The following MCTP2 variants were observed in gnomAD, a reference collection of about 807,000 sequenced individuals.
MCTP2 encodes multiple C2 and transmembrane domain containing 2, also known as multiple C2 and transmembrane domain-containing protein 2.
In MCTP2, 132 loss-of-function variants were observed where a neutral mutation model predicts 111.6. The ratio of observed to expected loss-of-function variants is 1.18; its 90% CI spans 1.03 to 1.37. MCTP2 has a LOEUF of 1.37. Ranked by LOEUF, MCTP2 falls within the 40% of genes most tolerant of loss-of-function variation. The pLI, the probability that MCTP2 is intolerant of heterozygous loss-of-function variation, is 0.00. For missense variants in MCTP2, 1,183 were observed against 1,067.9 expected (o/e 1.11, Z -1.50); for synonymous variants, 395 against 387.7 (o/e 1.02, Z -0.22).
intron 4 of MCTP2, among the ~76,000 whole-genome samples, chr15:94,328,008 G>GT (rs2076956971): frequency 6.6e-6 from 1 of 152,094 alleles, no homozygotes; most frequent in African/African-American, 2.4e-5. Flanking sequence ...CCTGCTGCGT[G>GT]TAAGAAAATT....
At chr15:94,390,138 A>G (rs1280053809) in intron 14 of MCTP2, among the ~76,000 whole-genome samples, 9 of 84,288 alleles carry the variant, frequency 1.1e-4, no homozygotes, top group African/African-American at 2.4e-4. Context: ...ATATACTTAG[A>G]TGTTTATCAT....
intron 1 of MCTP2, among the ~76,000 whole-genome samples, chr15:94,297,799 C>G (rs1380501594): frequency 6.6e-6 from 1 of 152,100 alleles, no homozygotes; most frequent in Non-Finnish European, 1.5e-5. Context: ...TGTTGACCTC[C>G]GGTTTAGAGA....
intron 2 of MCTP2, among the ~76,000 whole-genome samples, chr15:94,310,092 A>T (rs1224532518): frequency 2.0e-5 from 3 of 152,220 alleles, no homozygotes; most frequent in African/African-American, 7.2e-5. Context: ...TATTAGGTAA[A>T]CAATCAATAG....
chr15:94,437,851 G>C (rs2083563551), intron 17 of MCTP2, among the ~76,000 whole-genome samples: 1 of 151,880 alleles, frequency 6.6e-6, no homozygotes, highest in Non-Finnish European at 1.5e-5. Flanking sequence ...GACAGAAGTA[G>C]CAATGTAGAT....
chr15:94,340,993 C>T (rs1314932357), intron 7 of MCTP2, 69 bp downstream of exon 7: 3 of 939,042 alleles, frequency 3.2e-6, no homozygotes, highest in Non-Finnish European at 5.2e-6. Context: ...TTGCAATTGT[C>T]CCTTGATAGC....
intron 2 of MCTP2, among the ~76,000 whole-genome samples, 178 bp from the exon 3 acceptor site, chr15:94,314,104 G>T (rs1376327439): frequency 2.0e-5 from 3 of 152,212 alleles, no homozygotes; most frequent in African/African-American, 4.8e-5. Flanking sequence ...AGAGGACACA[G>T]CTAGGATGAC....
At chr15:94,470,023 T>A (rs1470295112) in intron 20 of MCTP2, among the ~76,000 whole-genome samples, 1 of 152,212 alleles carries the variant, frequency 6.6e-6, no homozygotes. Context: ...ATAGCCATCG[T>A]GGCAACATTG....
chr15:94,436,322 C>G (rs1444502891), intron 17 of MCTP2, among the ~76,000 whole-genome samples: 1 of 152,202 alleles, frequency 6.6e-6, no homozygotes, highest in African/African-American at 2.4e-5. Context: ...TTCCAAGTTA[C>G]AACTCTTTCT....
At chr15:94,333,233 G>A (rs1031970271) in intron 4 of MCTP2, among the ~76,000 whole-genome samples, 10 of 152,168 alleles carry the variant, frequency 6.6e-5, no homozygotes, top group Admixed American at 1.3e-4. Context: ...GCAAGTCTCC[G>A]TCTTGGAGCA....
At chr15:94,459,698 G>A (rs1200531437) in intron 20 of MCTP2, among the ~76,000 whole-genome samples, 4 of 152,154 alleles carry the variant, frequency 2.6e-5, no homozygotes, top group Non-Finnish European at 5.9e-5. Flanking sequence ...AAAATGAGGA[G>A]GGCATCATAA....
At chr15:94,315,062 A>G (rs294551) in intron 3 of MCTP2, among the ~76,000 whole-genome samples, 81,086 of 151,834 alleles carry the variant, frequency 0.53, 21,823 homozygotes, top group Non-Finnish European at 0.57. Flanking sequence ...TACACATGGA[A>G]GTCTACAGAG....
chr15:94,276,689 G>GA (rs1310846542), intron 1 of MCTP2, among the ~76,000 whole-genome samples: 1 of 96,896 alleles, frequency 1.0e-5, no homozygotes, highest in Admixed American at 9.7e-5. Flanking sequence ...ATCTCAGAAT[G>GA]AAAAAGATAG....
At chr15:94,293,898 CA>C (rs1447565815) in intron 1 of MCTP2, among the ~76,000 whole-genome samples, 1 of 152,202 alleles carries the variant, frequency 6.6e-6, no homozygotes, top group African/African-American at 2.4e-5. Context: ...TATATTCGTA[CA>C]CAAAAAACCT....
intron 1 of MCTP2, among the ~76,000 whole-genome samples, chr15:94,296,315 TAAAAGCTGC>T (rs1029522774): frequency 6.6e-6 from 1 of 152,234 alleles, no homozygotes; most frequent in African/African-American, 2.4e-5. Context: ...ATAACGTTTT[TAAAAGCTGC>T]AAAAAAAGTT....
intron 4 of MCTP2, among the ~76,000 whole-genome samples, chr15:94,332,774 A>G (rs1262880607): frequency 6.6e-6 from 1 of 152,252 alleles, no homozygotes; most frequent in Non-Finnish European, 1.5e-5. Context: ...CTGATAGCAA[A>G]TAAGTAAGCT....
In MCTP2 at chr15:94,298,221, A is replaced by T; in HGVS notation, c.-45A>T. On this transcript the variant is annotated 5_prime_UTR_variant, in exon 2 of 23. Coordinates refer to ENST00000357742, the MANE Select transcript of MCTP2 (RefSeq NM_001385001.1). ...TATAGGAGTCATTGCAGTTTTCAGT[A>T]GAGGTGTACTTCTGAGAAGTGGCTT... 2 of 1,431,566 alleles carry T rather than the reference A, an allele frequency of 1.4e-6. No homozygotes were observed. The highest frequency in any genetic ancestry group is 1.9e-6 in the Non-Finnish European group (2 of 1,060,224). 88.7% of individuals were successfully genotyped at this position (1,431,566 alleles called of 1,614,324 possible).
intron 1 of MCTP2, among the ~76,000 whole-genome samples, chr15:94,261,538 A>G (rs1457738754): frequency 6.6e-6 from 1 of 152,208 alleles, no homozygotes; most frequent in Non-Finnish European, 1.5e-5. Flanking sequence ...TATTATATAA[A>G]TTACGTCTGT....
At chr15:94,307,853 A>G (rs2075959443) in intron 2 of MCTP2, among the ~76,000 whole-genome samples, 2 of 152,040 alleles carry the variant, frequency 1.3e-5, no homozygotes, top group Non-Finnish European at 2.9e-5. Flanking sequence ...TCGGTGGGGA[A>G]TGTTGGAGGG....
chr15:94,278,918 T>C (rs530997495), intron 1 of MCTP2, among the ~76,000 whole-genome samples: 26 of 152,258 alleles, frequency 1.7e-4, no homozygotes, highest in Non-Finnish European at 3.4e-4. Context: ...CCATTGCTTG[T>C]TATTGTCGAA....
Sources: gnomAD v4.1 joint callset for allele counts (sites outside exome capture counted in the v4.1 genomes callset) on GRCh38, gnomAD v4.1.1 for gene constraint, MANE v1.5 for transcripts, NCBI Gene and HGNC (gene_info 2026-07-23, HGNC 2026-07-21) for gene names.